Variants in PRDM5 observed in about 807,000 individuals in gnomAD.
PRDM5 encodes PR/SET domain 5.
PRDM5 carries 56 observed loss-of-function variants against 81.2 expected under a neutral mutation model. The ratio of observed to expected loss-of-function variants is 0.69; its 90% CI spans 0.56 to 0.86. The LOEUF is 0.86. Ranked by LOEUF, PRDM5 falls within the 40% of genes least tolerant of loss-of-function variation. PRDM5 has a pLI of 0.00. For missense variants in PRDM5, 697 were observed against 770.1 expected, an observed-to-expected ratio of 0.91 and a Z score of 1.12; for synonymous variants, 267 against 256.4, an observed-to-expected ratio of 1.04 and a Z score of -0.39.
rs181007360 is a variant in PRDM5, at chr4:120,794,717, G to A, written c.1188+3550C>T. 1.6e-4 allele frequency among the ~76,000 whole-genome samples: 24 copies of A among 151,662 alleles called. No individual in the cohort carries two copies. In the East Asian group the frequency reaches 3.3e-3, roughly 21 times the overall value. On this transcript the variant is annotated intron_variant, in intron 10 of 15. Transcript: ENST00000264808. ...TGGCTCACTGCAACCTCCACCTCCC[G>A]GGTTCAAGTGATTCTCCTGCCTCAG...
chr4:120,728,201 C>A (rs1739726766), intron 14 of PRDM5, among the ~76,000 whole-genome samples: 1 of 151,882 alleles, frequency 6.6e-6, no homozygotes, highest in Non-Finnish European at 1.5e-5. Context: ...CTGTTAGAAT[C>A]TAGTATCAAG....
At chr4:120,685,773 TG>T (rs1733809684) in intron 1 of PRDM5, among the ~76,000 whole-genome samples, 1 of 152,162 alleles carries the variant, frequency 6.6e-6, no homozygotes, top group Non-Finnish European at 1.5e-5. Flanking sequence ...AAGTAAATGA[TG>T]TTACAGATTT....
chr4:120,689,463 C>T (rs911565183), downstream of PRDM5, among the ~76,000 whole-genome samples: 6 of 151,898 alleles, frequency 4.0e-5, no homozygotes, highest in Non-Finnish European at 7.4e-5. Context: ...GGAAGATGAG[C>T]AGCAAACAAT....
chr4:120,687,003 T>G (rs542743946), downstream of PRDM5, among the ~76,000 whole-genome samples: 8 of 152,074 alleles, frequency 5.3e-5, no homozygotes, highest in Non-Finnish European at 1.0e-4. Flanking sequence ...ACTCAGGAGA[T>G]GAAGGTTAAA....
chr4:120,833,829 T>C lies in PRDM5; in HGVS notation c.301-12484A>G, dbSNP rs561963810. 1.3e-3 allele frequency among the ~76,000 whole-genome samples: 197 copies of C among 152,296 alleles called. 1 individual carries two copies. Among genetic ancestry groups the C allele is most frequent in the Non-Finnish European group, 1.8e-3 (125 of 68,016 alleles). On this transcript the variant is annotated intron_variant, in intron 3 of 15. Coordinates refer to ENST00000264808, the MANE Select transcript of PRDM5 (RefSeq NM_018699.4). Reference sequence around the variant, plus strand: ...CTATAAAGTGTAAAAAGGACCAAGATAGTTGTACAGAGAATGGTAGTTACA... The same window carrying C: ...CTATAAAGTGTAAAAAGGACCAAGACAGTTGTACAGAGAATGGTAGTTACA...
chr4:120,723,466 G>T (rs547806808), intron 14 of PRDM5, among the ~76,000 whole-genome samples: 105 of 152,198 alleles, frequency 6.9e-4, no homozygotes, highest in Non-Finnish European at 1.1e-3. Context: ...TAAGTGTTTA[G>T]ATTTTATTTT....
At chr4:120,780,435 C>A (rs1748876699) in intron 12 of PRDM5, among the ~76,000 whole-genome samples, 1 of 152,008 alleles carries the variant, frequency 6.6e-6, no homozygotes, top group African/African-American at 2.4e-5. Flanking sequence ...CAGAGCGAGA[C>A]TCTGTCTCCA....
chr4:120,864,465 A>T (rs1340472153), intron 2 of PRDM5, among the ~76,000 whole-genome samples: 1 of 152,218 alleles, frequency 6.6e-6, no homozygotes, highest in East Asian at 1.9e-4. Context: ...ATAAAAACAC[A>T]AAATTAAGAA....
chr4:120,887,404 G>A (rs924681360), intron 2 of PRDM5, among the ~76,000 whole-genome samples: 2 of 152,088 alleles, frequency 1.3e-5, no homozygotes, highest in African/African-American at 4.8e-5. Context: ...AGACATCTAG[G>A]TGGTCTCCCT....
chr4:120,919,004 AG>A (rs1224417136), intron 1 of PRDM5, among the ~76,000 whole-genome samples: 4 of 152,222 alleles, frequency 2.6e-5, no homozygotes, highest in Admixed American at 6.5e-5. Context: ...GCCCAGAGAC[AG>A]GCACTTTGAA....
At chr4:120,904,402 T>C (rs1765569917) in intron 2 of PRDM5, among the ~76,000 whole-genome samples, 1 of 151,782 alleles carries the variant, frequency 6.6e-6, no homozygotes, top group Admixed American at 6.6e-5. Flanking sequence ...AAAAACAGGC[T>C]GGAAGGGAAC....
downstream of PRDM5, among the ~76,000 whole-genome samples, chr4:120,690,405 A>G (rs543879861): frequency 6.6e-6 from 1 of 152,286 alleles, no homozygotes; most frequent in East Asian, 1.9e-4. Flanking sequence ...AGACAGTGAG[A>G]AAGGCAGGAC....
chr4:120,814,050 C>A (rs901892115), intron 7 of PRDM5, among the ~76,000 whole-genome samples: 3 of 152,178 alleles, frequency 2.0e-5, no homozygotes, highest in African/African-American at 7.2e-5. Context: ...CTAGAAGAAT[C>A]CTAGCTCCTC....
intron 1 of PRDM5, among the ~76,000 whole-genome samples, chr4:120,914,453 A>G (rs1469703355): frequency 6.6e-6 from 1 of 152,160 alleles, no homozygotes; most frequent in Non-Finnish European, 1.5e-5. Context: ...GTATTTTTTT[A>G]AAGGGATGAG....
At chr4:120,703,105 T>C (rs1302221026) in intron 15 of PRDM5, among the ~76,000 whole-genome samples, 2 of 152,162 alleles carry the variant, frequency 1.3e-5, no homozygotes, top group East Asian at 3.9e-4. Context: ...TATAGCCTCA[T>C]GGCTTTTTTC....
At chr4:120,767,114 T>C (rs1332384781) in intron 13 of PRDM5, among the ~76,000 whole-genome samples, 1 of 151,944 alleles carries the variant, frequency 6.6e-6, no homozygotes, top group Admixed American at 6.6e-5. Context: ...AATGAAGGAA[T>C]TGAAGGATGT....
chr4:120,751,259 C>T (rs1743963532), intron 14 of PRDM5, among the ~76,000 whole-genome samples: 1 of 151,964 alleles, frequency 6.6e-6, no homozygotes. Flanking sequence ...AGATGAAAAA[C>T]ATAATATCAA....
intron 15 of PRDM5, among the ~76,000 whole-genome samples, chr4:120,704,476 C>G (rs1390246135): frequency 6.6e-6 from 1 of 152,154 alleles, no homozygotes; most frequent in Non-Finnish European, 1.5e-5. Context: ...TTTATTCTTA[C>G]TCTAGACTGG....
intron 2 of PRDM5, among the ~76,000 whole-genome samples, chr4:120,879,508 G>A (rs1762632065): frequency 1.3e-5 from 2 of 152,182 alleles, no homozygotes; most frequent in South Asian, 4.1e-4. Flanking sequence ...TGACAAGGAT[G>A]AAGACCTTTA....
Sources: allele counts gnomAD v4.1 joint callset (sites outside exome capture counted in the v4.1 genomes callset), GRCh38; gene constraint gnomAD v4.1.1; transcripts MANE v1.5; gene names NCBI Gene and HGNC (gene_info 2026-07-23, HGNC 2026-07-21).